Variants in DMD observed in about 807,000 individuals in gnomAD.
DMD encodes the protein mutant dystrophin.
Under a neutral mutation model 330.1 loss-of-function variants are expected in DMD, and 63 were observed. The observed-to-expected ratio is 0.19, with a 90% confidence interval of 0.16 to 0.24. The LOEUF is 0.24. Among genes scored for constraint, DMD ranks in the 10% least tolerant of loss-of-function variants. The pLI, the probability that DMD is intolerant of heterozygous loss-of-function variation, is 1.00. For synonymous variants in DMD, 1,223 were observed against 959.8 expected, an observed-to-expected ratio of 1.27 and a Z score of -5.07; for missense variants, 3,344 against 2,684.1, an observed-to-expected ratio of 1.25 and a Z score of -5.43.
At chrX:31,783,668 A>AAT (rs751598108) in intron 50 of DMD, among the ~76,000 whole-genome samples, 1 of 110,835 alleles carries the variant, frequency 9.0e-6, no homozygotes, top group Admixed American at 9.7e-5. Flanking sequence ...TCTCTCTCTA[A>AAT]ATATATATAT....
intron 1 of DMD, among the ~76,000 whole-genome samples, chrX:33,071,509 C>T (rs1228874050): frequency 3.7e-5 from 4 of 108,437 alleles, no homozygotes; most frequent in Non-Finnish European, 7.6e-5. Context: ...GATCCTAGTA[C>T]ACTATAAGAC....
intron 1 of DMD, among the ~76,000 whole-genome samples, chrX:33,294,133 T>C (rs2053552232): frequency 9.0e-6 from 1 of 111,028 alleles, no homozygotes; most frequent in Non-Finnish European, 1.9e-5. Context: ...GGGGTTGGGG[T>C]GGGGATTGTT....
At position 32,558,950 on chromosome X, in the gene DMD, T is replaced by A. The variant is rs868098435; in HGVS notation, c.1992+6752A>T. 6.8e-3 allele frequency among the ~76,000 whole-genome samples: 552 copies of A among 80,599 alleles called. 2 individuals carry two copies. The highest frequency in any genetic ancestry group is 0.031 in the South Asian group (47 of 1,506). 70.0% of individuals were successfully genotyped at this position (80,599 alleles called of 115,157 possible). ...AACTTCAAATTTTCTTTTTTTTTTTTTTTTTTTTTTTTTTTTTTGAGACGA... is the reference window on the plus strand; with the variant it reads ...AACTTCAAATTTTCTTTTTTTTTTTATTTTTTTTTTTTTTTTTTGAGACGA... On this transcript the variant is annotated intron_variant, in intron 16 of 78. Coordinates refer to ENST00000357033, the MANE Select transcript of DMD (RefSeq NM_004006.3).
chrX:32,644,400 T>TTG lies in DMD; in HGVS notation c.1150-89_1150-88dup, dbSNP rs1274712146. 2.8e-5 allele frequency: 27 copies of TTG among 975,975 alleles called. No homozygotes were observed. In the Admixed American group the frequency reaches 6.4e-4, roughly 23 times the overall value. The allele number at this position is 975,975 out of a possible 1,213,427, so 80.4% of individuals were successfully genotyped here. On this transcript the variant is annotated intron_variant, in intron 10 of 78. Transcript: ENST00000357033. ...GTTTTATTTGTTTGCAGTTTTAAAC[T>TTG]TGTGGCCCATTTAGATTTATATTCC...
chrX:32,701,291 A>G (rs1295813526), intron 7 of DMD, among the ~76,000 whole-genome samples: 2 of 112,212 alleles, frequency 1.8e-5, no homozygotes, highest in Non-Finnish European at 3.8e-5. Flanking sequence ...AGACATTTCA[A>G]TGCACAAGGC....
rs183597465 is a variant in DMD at position 31,522,635 on chromosome X, C to A, written c.8218-15182G>T. ...AGAGATCATGAATACAACTTAGAGA[C>A]TGACTGAATGCAAGGATAACATATA... On this transcript the variant is annotated intron_variant, in intron 55 of 78. Transcript: ENST00000357033. Among the ~76,000 whole-genome samples, 152 of 109,166 alleles carry A rather than the reference C, an allele frequency of 1.4e-3. 1 individual carries two copies. Among genetic ancestry groups the A allele is most frequent in the African/African-American group, 5.0e-3 (149 of 29,756 alleles). The allele number at this position is 109,166 out of a possible 115,157, so 94.8% of individuals were successfully genotyped here.
In DMD at chrX:31,707,495, A is replaced by C. The variant is rs768891791; in HGVS notation, c.7660+22136T>G. Among the ~76,000 whole-genome samples, 32 of 110,959 alleles carry C rather than the reference A, an allele frequency of 2.9e-4. 1 individual carries two copies. Among genetic ancestry groups the C allele is most frequent in the Non-Finnish European group, 4.7e-4 (25 of 52,975 alleles). ...GGGAGGAGGGAGGGGAGTGGGTTAA[A>C]AAAACGACCTATCAGTTACTATGCT... On this transcript the variant is annotated intron_variant, in intron 52 of 78. Coordinates refer to ENST00000357033, the MANE Select transcript of DMD (RefSeq NM_004006.3).
At chrX:32,524,229 C>A (rs191211417) in intron 17 of DMD, among the ~76,000 whole-genome samples, 4 of 111,766 alleles carry the variant, frequency 3.6e-5, no homozygotes, top group Admixed American at 1.9e-4. Flanking sequence ...CCACCGCGCC[C>A]GGCCCCAGAA....
At chrX:32,943,492 T>A (rs780732130) in intron 2 of DMD, among the ~76,000 whole-genome samples, 1 of 111,605 alleles carries the variant, frequency 9.0e-6, no homozygotes, top group South Asian at 3.7e-4. Flanking sequence ...ACCTTTAATA[T>A]CAATGCAATC....
At chrX:32,477,780 C>A (rs2041392355) in intron 21 of DMD, among the ~76,000 whole-genome samples, 1 of 110,661 alleles carries the variant, frequency 9.0e-6, no homozygotes, top group African/African-American at 3.3e-5. Flanking sequence ...AAAATAGGCA[C>A]TTAAGCATCA....
intron 62 of DMD, among the ~76,000 whole-genome samples, chrX:31,269,562 T>C (rs951364456): frequency 8.9e-6 from 1 of 112,004 alleles, no homozygotes; most frequent in Non-Finnish European, 1.9e-5. Flanking sequence ...TATGCTGCCA[T>C]GAAGAGACAT....
intron 13 of DMD, among the ~76,000 whole-genome samples, chrX:32,593,439 G>T (rs1448996317): frequency 1.8e-5 from 2 of 111,465 alleles, no homozygotes; most frequent in East Asian, 5.6e-4. Context: ...ATACTGGATT[G>T]CATGTACCAA....
intron 1 of DMD, among the ~76,000 whole-genome samples, chrX:33,240,829 C>T (rs1268831952): frequency 1.8e-5 from 2 of 111,834 alleles, no homozygotes; most frequent in South Asian, 3.7e-4. Flanking sequence ...AACATGTTTT[C>T]GTATTCCTGT....
At chrX:31,761,267 C>G (rs749204212) in intron 51 of DMD, among the ~76,000 whole-genome samples, 1 of 110,667 alleles carries the variant, frequency 9.0e-6, no homozygotes, top group Non-Finnish European at 1.9e-5. Flanking sequence ...AGTGGTTATT[C>G]TTATTAGAAC....
intron 4 of DMD, among the ~76,000 whole-genome samples, chrX:32,824,666 A>G (rs986919436): frequency 1.8e-5 from 2 of 111,653 alleles, no homozygotes; most frequent in African/African-American, 6.5e-5. Flanking sequence ...TAATGGTGGA[A>G]CTGTTCTGCA....
At chrX:32,333,389 G>A (rs986551616) in intron 41 of DMD, among the ~76,000 whole-genome samples, 1 of 110,948 alleles carries the variant, frequency 9.0e-6, no homozygotes, top group Non-Finnish European at 1.9e-5. Flanking sequence ...CTACGTGGAT[G>A]TTCTTTCATT....
intron 1 of DMD, among the ~76,000 whole-genome samples, chrX:33,244,600 G>T (rs2052637353): frequency 8.9e-6 from 1 of 111,741 alleles, no homozygotes; most frequent in East Asian, 2.8e-4. Flanking sequence ...CCCCGAAATG[G>T]TCAATTGTGA....
intron 11 of DMD, among the ~76,000 whole-genome samples, chrX:32,615,675 C>T (rs1431767130): frequency 9.0e-6 from 1 of 111,327 alleles, no homozygotes; most frequent in Non-Finnish European, 1.9e-5. Context: ...CATTTAAACA[C>T]ACAAAGTGCA....
intron 2 of DMD, among the ~76,000 whole-genome samples, chrX:32,877,096 A>G (rs1198350064): frequency 2.7e-5 from 3 of 112,233 alleles, no homozygotes; most frequent in Non-Finnish European, 5.6e-5. Flanking sequence ...CCCTCTAGCA[A>G]TTATTCTGAT....
Sources: allele counts gnomAD v4.1 joint callset (sites outside exome capture counted in the v4.1 genomes callset), GRCh38; gene constraint gnomAD v4.1.1; transcripts MANE v1.5; gene names NCBI Gene and HGNC (gene_info 2026-07-23, HGNC 2026-07-21).